The following PUM3 variants were observed in gnomAD, a reference collection of about 807,000 sequenced individuals.
PUM3 encodes the protein pumilio RNA binding family member 3.
PUM3 carries 91 observed loss-of-function variants against 84.0 expected under a neutral mutation model. The ratio of observed to expected loss-of-function variants is 1.08; its 90% confidence interval spans 0.91 to 1.29. The LOEUF is 1.29. Ranked by LOEUF, PUM3 falls within the 50% of genes most tolerant of loss-of-function variation. The probability of loss-of-function intolerance (pLI) is 0.00; values close to 1 mark genes in which losing one functional copy is unlikely to be tolerated. For synonymous variants in PUM3, 321 were observed against 266.7 expected, an observed-to-expected ratio of 1.20 and a Z score of -1.98; for missense variants, 1,067 against 767.5, an observed-to-expected ratio of 1.39 and a Z score of -4.61.
At position 2,834,022 on chromosome 9, in the gene PUM3, T is replaced by A; in HGVS notation, c.440+9A>T. The A allele has an allele frequency of 6.2e-7, 1 of 1,612,322 alleles. No individual in the cohort carries two copies. Among genetic ancestry groups the A allele is most frequent in the South Asian group, 1.1e-5 (1 of 90,674 alleles). On this transcript the variant is annotated intron_variant, in intron 4 of 17. Coordinates refer to ENST00000397885, the MANE Select transcript of PUM3 (RefSeq NM_014878.5). The stretch of plus-strand genomic sequence containing the variant: ...AGGGACTAACAAAGGCATCTTTAGG[T>A]AGAATTACCTTCTTAAAATCTCCCA...
At chr9:2,825,812 T>C (rs1815801818) in intron 10 of PUM3, among the ~76,000 whole-genome samples, 1 of 152,184 alleles carries the variant, frequency 6.6e-6, no homozygotes, top group Non-Finnish European at 1.5e-5. Flanking sequence ...ATGTAGGATG[T>C]AAATGAGTTC....
intron 13 of PUM3, among the ~76,000 whole-genome samples, chr9:2,818,160 G>A (rs1216795057): frequency 6.6e-6 from 1 of 152,230 alleles, no homozygotes; most frequent in Admixed American, 6.5e-5. Flanking sequence ...TGTGGTGGAT[G>A]AGTGATGGGA....
At chr9:2,831,780 G>A (rs1815988414) in intron 5 of PUM3, among the ~76,000 whole-genome samples, 1 of 152,186 alleles carries the variant, frequency 6.6e-6, no homozygotes, top group Non-Finnish European at 1.5e-5. Flanking sequence ...AAGTATACCT[G>A]TAAGATCAAT....
chr9:2,823,756 G>C (rs913802400), intron 12 of PUM3, 25 bp downstream of exon 12: 4 of 1,099,392 alleles, frequency 3.6e-6, no homozygotes, highest in Middle Eastern at 2.2e-4. Flanking sequence ...AAAATAATTA[G>C]AATATGTAGT....
chr9:2,811,914 C>A (rs1821383302), intron 14 of PUM3, among the ~76,000 whole-genome samples: 1 of 150,488 alleles, frequency 6.6e-6, no homozygotes, highest in Admixed American at 6.6e-5. Flanking sequence ...GCTGTATGGA[C>A]ACCATACTCT....
intron 3 of PUM3, 85 bp downstream of exon 3, chr9:2,837,095 G>C: frequency 8.8e-7 from 1 of 1,139,280 alleles, no homozygotes; most frequent in Non-Finnish European, 1.3e-6. Context: ...CAAGGAATAA[G>C]AATGTGAGGT....
intron 7 of PUM3, 94 bp downstream of exon 7, chr9:2,830,868 G>A (rs1815957066): frequency 5.9e-6 from 4 of 681,912 alleles, no homozygotes; most frequent in Admixed American, 2.8e-5. Context: ...TACTTATAAA[G>A]ACCACAGACT....
In PUM3 at chr9:2,811,587, TTGAG is replaced by T. The variant is rs1821375960; in HGVS notation, c.1413-8_1413-5del. On this transcript the variant is annotated splice_polypyrimidine_tract_variant and splice_region_variant and intron_variant, in intron 14 of 17. Transcript: ENST00000397885. ...GCGGACCTCTGTATCTTTCTTACTG[TTGAG>T]TATGTTGAACGGGGTATTAAGGTAA... The T allele has an allele frequency of 6.2e-7, 1 of 1,607,196 alleles. No individual in the cohort carries two copies. The highest frequency in any genetic ancestry group is 1.7e-5 in the Admixed American group (1 of 59,982).
chr9:2,838,522 A>G lies in PUM3; in HGVS notation c.-10-5T>C, dbSNP rs758570194. ...TTAACTTCCATCGTAGCAACTCTGG[A>G]AAACCAAAACCAAAACCAAAAACAA... On this transcript the variant is annotated splice_polypyrimidine_tract_variant and splice_region_variant and intron_variant, in intron 1 of 17. Coordinates refer to ENST00000397885, the MANE Select transcript of PUM3 (RefSeq NM_014878.5). The G allele has an allele frequency of 6.6e-7, 1 of 1,508,282 alleles. No individual in the cohort carries two copies. The highest frequency in any genetic ancestry group is 1.4e-5 in the African/African-American group (1 of 72,998). The allele number at this position is 1,508,282 out of a possible 1,614,324, so 93.4% of individuals were successfully genotyped here.
In PUM3 at chr9:2,827,128, A is replaced by G; in HGVS notation, c.980T>C (p.Leu327Ser). 6.2e-7 allele frequency: 1 copy of G among 1,610,336 alleles called. No individual in the cohort carries two copies. ...AQKEAVIKHS[L>S]VHKVFLDFFT... ...AAAGTCCAAGAATACTTTATGCACC[A>G]ATGAGTGCTTAATCACAGCTTCCCT... Residue 327 changes from leucine to serine, a missense_variant, in exon 10 of 18, where the codon TTG becomes TCG. Leu to Ser is a moderately radical substitution (Grantham distance 145). Coordinates refer to ENST00000397885, the MANE Select transcript of PUM3 (RefSeq NM_014878.5).
chr9:2,821,179 T>A (rs1307418482), intron 12 of PUM3, among the ~76,000 whole-genome samples: 4 of 152,094 alleles, frequency 2.6e-5, no homozygotes, highest in Non-Finnish European at 5.9e-5. Flanking sequence ...GTGCGGTAGC[T>A]CACGCCTGTA....
intron 8 of PUM3, among the ~76,000 whole-genome samples, chr9:2,829,376 T>G (rs958811290): frequency 1.3e-5 from 2 of 152,158 alleles, no homozygotes; most frequent in African/African-American, 4.8e-5. Flanking sequence ...GGGCAATGCA[T>G]GCACATGAAA....
intron 7 of PUM3, among the ~76,000 whole-genome samples, chr9:2,830,446 C>A (rs1481216328): frequency 6.6e-6 from 1 of 152,202 alleles, no homozygotes; most frequent in Non-Finnish European, 1.5e-5. Flanking sequence ...CATTTTCTAA[C>A]CCACTGACCC....
At chr9:2,828,230 A>T (rs1475642505) in intron 9 of PUM3, among the ~76,000 whole-genome samples, 2 of 152,108 alleles carry the variant, frequency 1.3e-5, no homozygotes, top group Middle Eastern at 3.4e-3. Flanking sequence ...TTTCGTAGAG[A>T]TGGGGTCTTG....
At chr9:2,817,733 A>C (rs961319105) in intron 13 of PUM3, among the ~76,000 whole-genome samples, 1 of 152,220 alleles carries the variant, frequency 6.6e-6, no homozygotes, top group Non-Finnish European at 1.5e-5. Flanking sequence ...CAAAGGGCTT[A>C]AACTTGAACT....
Position 2,837,413 on chromosome 9 carries a change from A to G in PUM3, c.83-12T>C, listed in dbSNP as rs73639499. 14,721 of 1,544,566 alleles carry G rather than the reference A, an allele frequency of 9.5e-3. 1,228 individuals are homozygous for G. The African/African-American group carries it at 0.18, about 18-fold the overall frequency. ...TGAAGAACCAGAATCTAGTGACAATAATAATTATAAGTTCAATGATTCTGG... is the reference window on the plus strand; with the variant it reads ...TGAAGAACCAGAATCTAGTGACAATGATAATTATAAGTTCAATGATTCTGG... On this transcript the variant is annotated splice_polypyrimidine_tract_variant and intron_variant, in intron 2 of 17. Coordinates refer to ENST00000397885, the MANE Select transcript of PUM3 (RefSeq NM_014878.5).
intron 8 of PUM3, among the ~76,000 whole-genome samples, 153 bp downstream of exon 8, chr9:2,829,621 A>G (rs1057121838): frequency 1.3e-5 from 2 of 152,236 alleles, no homozygotes; most frequent in Non-Finnish European, 2.9e-5. Flanking sequence ...CCAGAAACAA[A>G]ATAAAGCATG....
chr9:2,837,152 G>C (rs377007435), intron 3 of PUM3, 28 bp downstream of exon 3: 1 of 1,579,538 alleles, frequency 6.3e-7, no homozygotes, highest in Non-Finnish European at 8.7e-7. Context: ...TCAGGCACTA[G>C]TTCAGGCATG....
Position 2,812,239 on chromosome 9 carries a change from CT to C in PUM3, c.1392del (p.Gly465GlufsTer19). Reference sequence around the variant, plus strand: ...TTTTACCTGTGTGCATTTCCATCTCCTTTTTGCAGAACTTCAATGATTTCTC... The same window carrying C: ...TTTTACCTGTGTGCATTTCCATCTCCTTTTGCAGAACTTCAATGATTTCTC... Reference protein sequence around the residue: ...TVREIIEVLQKGDGNAHSKKD... With the variant: ...TVREIIEVLQXGDGNAHSKKD... On this transcript the variant is annotated frameshift_variant, in exon 14 of 18. Coordinates refer to ENST00000397885, the MANE Select transcript of PUM3 (RefSeq NM_014878.5). LOFTEE classifies it high-confidence loss of function. 6.2e-7 allele frequency: 1 copy of C among 1,613,850 alleles called. No homozygotes were observed. The highest frequency in any genetic ancestry group is 8.5e-7 in the Non-Finnish European group (1 of 1,179,828).
Sources: gnomAD v4.1 joint callset for allele counts (sites outside exome capture counted in the v4.1 genomes callset) on GRCh38, gnomAD v4.1.1 for gene constraint, MANE v1.5 for transcripts, NCBI Gene and HGNC (gene_info 2026-07-23, HGNC 2026-07-21) for gene names.